FRYL: variants seen among roughly 807,000 people sequenced by gnomAD.
FRYL encodes the protein FRY like transcription coactivator.
In FRYL, 150 loss-of-function variants were observed where a neutral mutation model predicts 351.2. The ratio of observed to expected loss-of-function variants is 0.43; its 90% confidence interval spans 0.37 to 0.49. The LOEUF (loss-of-function observed/expected upper bound fraction) is 0.49, where lower values mean the gene tolerates loss of function less well. Ranked by LOEUF, FRYL falls within the 20% of genes least tolerant of loss-of-function variation. FRYL has a pLI of 0.00. For synonymous variants in FRYL, 1,153 were observed against 1,257.1 expected (o/e 0.92, Z 1.75); for missense variants, 3,036 against 3,619.3 (o/e 0.84, Z 4.13).
At chr4:48,505,785 A>AAGC in intron 59 of FRYL, 170 bp from the exon 60 acceptor site, 1 of 524,694 alleles carries the variant, frequency 1.9e-6, no homozygotes, top group East Asian at 3.0e-5. Flanking sequence ...GAACTAACAA[A>AAGC]AGCAGGGATA....
rs374251339 is a variant in FRYL at position 48,557,131 on chromosome 4, T to A, written c.4126-13A>T. 1.4e-5 allele frequency: 22 copies of A among 1,568,392 alleles called. 1 individual carries two copies. The highest frequency in any genetic ancestry group is 1.7e-6 in the Non-Finnish European group (2 of 1,150,082). ...GTTCATCGCCATACTAGATGCAATA[T>A]GCACAAAAGATACTTCAGTCATGAC... On this transcript the variant is annotated splice_polypyrimidine_tract_variant and intron_variant, in intron 34 of 63. Transcript: ENST00000358350.
At chr4:48,748,454 T>C (rs1006337508) in intron 1 of FRYL, among the ~76,000 whole-genome samples, 8 of 152,190 alleles carry the variant, frequency 5.3e-5, no homozygotes, top group Non-Finnish European at 1.2e-4. Context: ...CAGGTTGGCA[T>C]CTGGGAAGGA....
intron 15 of FRYL, among the ~76,000 whole-genome samples, chr4:48,594,377 G>C (rs1398051503): frequency 3.3e-5 from 5 of 152,018 alleles, no homozygotes; most frequent in Non-Finnish European, 2.9e-5. Context: ...AGGAAGAATG[G>C]GGCTCTAGGA....
chr4:48,510,610 C>T (rs1722266784), intron 58 of FRYL, among the ~76,000 whole-genome samples: 1 of 151,992 alleles, frequency 6.6e-6, no homozygotes, highest in African/African-American at 2.4e-5. Flanking sequence ...TTAGTTTTCC[C>T]ATCTAGGACT....
Position 48,507,318 on chromosome 4 carries a change from G to A in FRYL, c.8395-1703C>T, listed in dbSNP as rs6810558. The stretch of plus-strand genomic sequence containing the variant: ...CAGCCAGAGCATACAAGACATGGTA[G>A]TTTGTGCTCAGAACACCCTCCAGTT... On this transcript the variant is annotated intron_variant, in intron 59 of 63. Coordinates refer to ENST00000358350, the MANE Select transcript of FRYL (RefSeq NM_015030.2). 2.7e-3 allele frequency among the ~76,000 whole-genome samples: 412 copies of A among 152,300 alleles called. 1 individual carries two copies. The highest frequency in any genetic ancestry group is 9.5e-3 in the African/African-American group (394 of 41,568).
At chr4:48,524,760 T>TA (rs1725646582) in intron 53 of FRYL, among the ~76,000 whole-genome samples, 1 of 152,184 alleles carries the variant, frequency 6.6e-6, no homozygotes, top group Admixed American at 6.5e-5. Flanking sequence ...ACTGACATTT[T>TA]AGAGCACTGA....
intron 2 of FRYL, among the ~76,000 whole-genome samples, chr4:48,702,710 G>A (rs1356286229): frequency 6.9e-6 from 1 of 143,930 alleles, no homozygotes; most frequent in Non-Finnish European, 1.5e-5. Context: ...ACAGTGAGAG[G>A]AGATCGGGCC....
Position 48,531,233 on chromosome 4 carries a change from A to G in FRYL, c.6826T>C (p.Ser2276Pro), listed in dbSNP as rs1294889971. The G allele has an allele frequency of 1.2e-6, 2 of 1,612,642 alleles. No individual in the cohort carries two copies. The highest frequency in any genetic ancestry group is 8.5e-7 in the Non-Finnish European group (1 of 1,178,694). ...ACATTATTAAAAATTTTAGTGAAGG[A>G]TATTTCAGGAGAACCTGTATCTCCT... ...YGGDTGSPEI[S>P]FTKIFNNVSK... The change falls in exon 50 of 64, where the codon TCC (serine) becomes CCC (proline). Residue 2276 changes from serine to proline, a missense_variant. Ser to Pro is a moderately conservative substitution (Grantham distance 74). Coordinates refer to ENST00000358350, the MANE Select transcript of FRYL (RefSeq NM_015030.2).
chr4:48,531,640 TA>T (rs1301019335), intron 49 of FRYL, among the ~76,000 whole-genome samples: 1 of 152,198 alleles, frequency 6.6e-6, no homozygotes, highest in Non-Finnish European at 1.5e-5. Flanking sequence ...TTGGACAGAC[TA>T]ATACAGTAAC....
chr4:48,691,658 T>C lies in FRYL; in HGVS notation c.-203-6863A>G, dbSNP rs73815316. Among the ~76,000 whole-genome samples, 1,125 of 152,282 alleles carry C rather than the reference T, an allele frequency of 7.4e-3. 15 individuals are homozygous for C. The highest frequency in any genetic ancestry group is 0.025 in the African/African-American group (1,056 of 41,556). On this transcript the variant is annotated intron_variant, in intron 2 of 63. Transcript: ENST00000358350. The stretch of plus-strand genomic sequence containing the variant: ...AATAATGGTAATATTTATTAACTTA[T>C]ACCACAAATGCTGATAACATTTGCA...
At chr4:48,544,508 G>A (rs1393370810) in intron 43 of FRYL, among the ~76,000 whole-genome samples, 4 of 151,932 alleles carry the variant, frequency 2.6e-5, no homozygotes, top group South Asian at 4.1e-4. Flanking sequence ...ATATACGTCC[G>A]TTTAATGTAT....
At chr4:48,532,330 T>C (rs1437433189) in intron 49 of FRYL, among the ~76,000 whole-genome samples, 6 of 152,194 alleles carry the variant, frequency 3.9e-5, no homozygotes, top group East Asian at 1.9e-4. Context: ...AAGGTCTACA[T>C]GATACTGTGA....
At chr4:48,741,033 A>G (rs1481601250) in intron 1 of FRYL, among the ~76,000 whole-genome samples, 1 of 135,740 alleles carries the variant, frequency 7.4e-6, no homozygotes, top group African/African-American at 2.7e-5. Flanking sequence ...AGATTTGATG[A>G]AAAAAAAAAA....
chr4:48,595,681 A>G lies in FRYL; in HGVS notation c.1157T>C (p.Val386Ala). The G allele has an allele frequency of 6.2e-7, 1 of 1,611,506 alleles. No individual in the cohort carries two copies. The highest frequency in any genetic ancestry group is 1.1e-5 in the South Asian group (1 of 90,876). The change falls in exon 15 of 64, where the codon GTG becomes GCG. Residue 386 changes from valine to alanine, a missense_variant. Physicochemically the swap from Val to Ala is moderately conservative, Grantham distance 64. Transcript: ENST00000358350. ...TGAGCCTTTTGGAAAAAGTGCTGAC[A>G]CTATGCTCATAAGACGACTACAGGG... is the stretch of plus-strand genomic sequence containing the variant. ...TVTQSRLMSI[V>A]SALFPKGSRS...
intron 1 of FRYL, among the ~76,000 whole-genome samples, chr4:48,712,914 G>A (rs1768269913): frequency 6.6e-6 from 1 of 152,070 alleles, no homozygotes; most frequent in South Asian, 2.1e-4. Flanking sequence ...AAGAGAGTGG[G>A]GGCCAATATT....
rs1488614970 is a variant in FRYL at position 48,499,526 on chromosome 4, T to C, written c.8938A>G (p.Met2980Val). 2 of 1,614,128 alleles carry C rather than the reference T, an allele frequency of 1.2e-6. No homozygotes were observed. Among genetic ancestry groups the C allele is most frequent in the South Asian group, 1.1e-5 (1 of 91,086 alleles). ...LDMSEANYKL[M>V]ELNLEIRESL... is the part of the protein sequence containing the mutation. ...TCTCTTATTTCCAGATTAAGTTCCA[T>C]CAGTTTGTAGTTGGCTTCTGACATG... Residue 2980 changes from methionine to valine, a missense_variant, in exon 64 of 64, where the codon ATG (methionine) becomes GTG (valine). By Grantham distance (21) the Met-to-Val change is conservative. Transcript: ENST00000358350.
rs144163588 is a variant in FRYL, at chr4:48,695,430, T to G, written c.-203-10635A>C. On this transcript the variant is annotated intron_variant, in intron 2 of 63. Coordinates refer to ENST00000358350, the MANE Select transcript of FRYL (RefSeq NM_015030.2). ...TATGATTACAGGTAAAAATCAATGC[T>G]ACTATGTATCATTTGAAAATTCATA... Among the ~76,000 whole-genome samples the G allele has an allele frequency of 2.8e-3, 430 of 152,278 alleles. 1 individual carries two copies. The highest frequency in any genetic ancestry group is 9.8e-3 in the African/African-American group (408 of 41,570).
chr4:48,526,615 GCTAT>G (rs1726290589), intron 53 of FRYL, among the ~76,000 whole-genome samples: 1 of 152,152 alleles, frequency 6.6e-6, no homozygotes, highest in African/African-American at 2.4e-5. Flanking sequence ...CGGTTTTGCT[GCTAT>G]CTGAGGTCAA....
intron 7 of FRYL, among the ~76,000 whole-genome samples, chr4:48,614,370 G>A (rs1748897148): frequency 6.6e-6 from 1 of 152,086 alleles, no homozygotes; most frequent in Admixed American, 6.6e-5. Flanking sequence ...TCTTGCCATC[G>A]GTGTGATTTT....
Sources: gnomAD v4.1 joint callset for allele counts (sites outside exome capture counted in the v4.1 genomes callset) on GRCh38, gnomAD v4.1.1 for gene constraint, MANE v1.5 for transcripts, NCBI Gene and HGNC (gene_info 2026-07-23, HGNC 2026-07-21) for gene names.